The following MROH2B variants were observed in gnomAD, a reference collection of about 807,000 sequenced individuals.
MROH2B encodes maestro heat like repeat family member 2B.
MROH2B carries 177 observed loss-of-function variants against 208.6 expected under a neutral mutation model. The ratio of observed to expected loss-of-function variants is 0.85; its 90% CI spans 0.75 to 0.96. The LOEUF is 0.96. Among genes scored for constraint, MROH2B ranks in the 40% least tolerant of loss-of-function variants. The pLI, the probability that MROH2B is intolerant of heterozygous loss-of-function variation, is 0.00. For missense variants in MROH2B, 2,002 were observed against 1,878.7 expected, an observed-to-expected ratio of 1.07 and a Z score of -1.21; for synonymous variants, 728 against 659.0, an observed-to-expected ratio of 1.10 and a Z score of -1.60.
intron 30 of MROH2B, among the ~76,000 whole-genome samples, chr5:41,012,234 C>T (rs1741795283): frequency 6.6e-6 from 1 of 152,174 alleles, no homozygotes; most frequent in African/African-American, 2.4e-5. Context: ...GCCCTTGACT[C>T]CTGCCCTTGG....
intron 17 of MROH2B, 32 bp downstream of exon 17, chr5:41,047,689 T>C: frequency 6.4e-7 from 1 of 1,569,820 alleles, no homozygotes; most frequent in African/African-American, 1.4e-5. Context: ...CATCATGCCA[T>C]TATTAAAAAT....
At chr5:41,022,752 G>A (rs1742197202) in intron 24 of MROH2B, among the ~76,000 whole-genome samples, 1 of 152,168 alleles carries the variant, frequency 6.6e-6, no homozygotes, top group African/African-American at 2.4e-5. Flanking sequence ...CTCCTCAAGT[G>A]GGTCCCTGAT....
chr5:41,004,671 T>C (rs751921938), intron 36 of MROH2B, 103 bp downstream of exon 36: 4 of 1,533,192 alleles, frequency 2.6e-6, no homozygotes, highest in Non-Finnish European at 3.5e-6. Flanking sequence ...GCAATGTATC[T>C]GGATTTCCAA....
intron 30 of MROH2B, among the ~76,000 whole-genome samples, chr5:41,010,961 A>G (rs1388504791): frequency 2.0e-5 from 3 of 152,204 alleles, no homozygotes; most frequent in African/African-American, 4.8e-5. Context: ...TCACGGGAAC[A>G]TGGGCATAAG....
chr5:41,018,583 G>A (rs561604264), intron 26 of MROH2B, 108 bp downstream of exon 26: 4 of 1,434,246 alleles, frequency 2.8e-6, no homozygotes, highest in Non-Finnish European at 3.8e-6. Context: ...GGTGTGGGTG[G>A]GTCCAGCTGG....
intron 29 of MROH2B, among the ~76,000 whole-genome samples, chr5:41,015,034 C>T (rs534706122): frequency 1.3e-5 from 2 of 152,312 alleles, no homozygotes; most frequent in South Asian, 4.1e-4. Context: ...CTCACAACAA[C>T]CACAAAATGG....
chr5:41,071,165 A>G lies in MROH2B; in HGVS notation c.-313T>C, dbSNP rs1165481386. On this transcript the variant is annotated 5_prime_UTR_variant, in exon 1 of 42. The change abolishes the stop of an existing upstream ORF in the 5' untranslated region. Transcript: ENST00000399564. ...CAGAGTATTTGGGAAAGAAGTAATT[A>G]GAGACTGGGATTCAAACCATTGTTG... The G allele has an allele frequency of 3.3e-6, 1 of 307,318 alleles. No individual in the cohort carries two copies. Among genetic ancestry groups the G allele is most frequent in the Non-Finnish European group, 6.1e-6 (1 of 164,902 alleles). The allele number at this position is 307,318 out of a possible 1,614,324, so 19.0% of individuals were successfully genotyped here.
intron 40 of MROH2B, among the ~76,000 whole-genome samples, chr5:40,998,991 T>C (rs1305638629): frequency 6.6e-6 from 1 of 152,114 alleles, no homozygotes; most frequent in East Asian, 1.9e-4. Flanking sequence ...AATTTCATAA[T>C]GTGTTGGTGG....
chr5:41,041,634 A>T (rs1191994090), intron 19 of MROH2B, among the ~76,000 whole-genome samples: 3 of 152,124 alleles, frequency 2.0e-5, no homozygotes, highest in Non-Finnish European at 4.4e-5. Context: ...AACAACAACA[A>T]CAACAACAAC....
chr5:41,006,537 C>G (rs1054144524), intron 34 of MROH2B, among the ~76,000 whole-genome samples: 2 of 152,146 alleles, frequency 1.3e-5, no homozygotes, highest in African/African-American at 4.8e-5. Context: ...CTTGCACACA[C>G]ATGTTTACAG....
At chr5:41,027,529 T>C (rs1401158538) in intron 24 of MROH2B, among the ~76,000 whole-genome samples, 2 of 152,168 alleles carry the variant, frequency 1.3e-5, no homozygotes, top group East Asian at 3.9e-4. Flanking sequence ...CATTAAAAAG[T>C]CAGGAAACAA....
At chr5:41,023,513 A>G (rs893439586) in intron 24 of MROH2B, among the ~76,000 whole-genome samples, 15 of 152,216 alleles carry the variant, frequency 9.9e-5, no homozygotes, top group African/African-American at 3.1e-4. Flanking sequence ...AAAGAAATGA[A>G]CAAAGCCTCC....
intron 1 of MROH2B, 116 bp from the exon 2 acceptor site, chr5:41,069,868 C>T: frequency 1.4e-6 from 1 of 705,474 alleles, no homozygotes; most frequent in South Asian, 1.9e-5. Context: ...TCTCTCTCTC[C>T]CTTGACTGCT....
At position 41,058,055 on chromosome 5, in the gene MROH2B, G is replaced by T; in HGVS notation, c.756+8C>A. On this transcript the variant is annotated splice_region_variant and intron_variant, in intron 7 of 41. Transcript: ENST00000399564. ...TCTGATTCAGTTCCTTTAGGGTATG[G>T]CTCTTACCTGAGTGACATGGAAATC... 1 of 1,574,586 alleles carries T rather than the reference G, an allele frequency of 6.4e-7. No homozygotes were observed. Among genetic ancestry groups the T allele is most frequent in the Middle Eastern group, 1.7e-4 (1 of 5,880 alleles).
intron 12 of MROH2B, among the ~76,000 whole-genome samples, chr5:41,052,147 G>T (rs2150176815): frequency 6.6e-6 from 1 of 150,994 alleles, no homozygotes; most frequent in Non-Finnish European, 1.5e-5. Context: ...TGGTGGCTGG[G>T]TTAACTTAGG....
chr5:41,040,207 A>C (rs1579939675), intron 19 of MROH2B, among the ~76,000 whole-genome samples: 1 of 152,158 alleles, frequency 6.6e-6, no homozygotes, highest in Non-Finnish European at 1.5e-5. Context: ...CTGTTCCTGA[A>C]ACTTTACTGT....
At chr5:41,063,902 T>C (rs1743718136) in intron 5 of MROH2B, among the ~76,000 whole-genome samples, 2 of 152,188 alleles carry the variant, frequency 1.3e-5, no homozygotes, top group Non-Finnish European at 2.9e-5. Context: ...ATATTTCAGT[T>C]TGGGGTAGAG....
chr5:41,033,950 C>T (rs1487022883), intron 21 of MROH2B, 86 bp from the exon 22 acceptor site: 8 of 1,533,528 alleles, frequency 5.2e-6, no homozygotes, highest in Non-Finnish European at 7.0e-6. Flanking sequence ...CACCCATCAA[C>T]CTGAAGGACA....
At chr5:41,005,413 A>AAC (rs35848875) in intron 35 of MROH2B, 118 bp downstream of exon 35, 37 of 204,590 alleles carry the variant, frequency 1.8e-4, no homozygotes, top group South Asian at 3.0e-4. Flanking sequence ...CCTCTATGAA[A>AAC]CCCCCCCCCC....
Sources: gnomAD v4.1 joint callset for allele counts (sites outside exome capture counted in the v4.1 genomes callset) on GRCh38, gnomAD v4.1.1 for gene constraint, MANE v1.5 for transcripts, NCBI Gene and HGNC (gene_info 2026-07-23, HGNC 2026-07-21) for gene names.